Variants in GABRR3 observed in about 807,000 individuals in gnomAD.
The protein encoded by GABRR3 is gamma-aminobutyric acid receptor subunit rho-3.
A neutral mutation model predicts 43.2 loss-of-function variants in GABRR3; 29 were observed. The ratio of observed to expected loss-of-function variants is 0.67; its 90% confidence interval spans 0.50 to 0.92. GABRR3 has a LOEUF of 0.92. Among genes scored for constraint, GABRR3 ranks in the 40% least tolerant of loss-of-function variants. The pLI, the probability that GABRR3 is intolerant of heterozygous loss-of-function variation, is 0.00. For missense variants in GABRR3, 576 were observed against 572.3 expected, an observed-to-expected ratio of 1.01 and a Z score of -0.07; for synonymous variants, 206 against 195.9, an observed-to-expected ratio of 1.05 and a Z score of -0.43.
intron 9 of GABRR3, among the ~76,000 whole-genome samples, chr3:97,991,385 A>G (rs1246131887): frequency 6.6e-6 from 1 of 152,240 alleles, no homozygotes; most frequent in Non-Finnish European, 1.5e-5. Context: ...ATTAGAGTTT[A>G]ACGAGGACCC....
At position 98,007,858 on chromosome 3, in the gene GABRR3, GT is replaced by G; in HGVS notation, c.659del (p.Asn220ThrfsTer4). ...TATGTTCTTCAGTATTTAAGGACTTGTTTCCGTGTTTCCAGTATAGCATTAG... is the reference window on the plus strand; with the variant it reads ...TATGTTCTTCAGTATTTAAGGACTTGTTCCGTGTTTCCAGTATAGCATTAG... On this transcript the variant is annotated frameshift_variant, in exon 7 of 10. Coordinates refer to ENST00000621172, the Ensembl canonical transcript of GABRR3. LOFTEE classifies it high-confidence loss of function. 6.2e-7 allele frequency: 1 copy of G among 1,604,626 alleles called. No individual in the cohort carries two copies. Among genetic ancestry groups the G allele is most frequent in the Non-Finnish European group, 8.5e-7 (1 of 1,175,356 alleles).
chr3:97,987,337 A>G (rs987115108), intron 9 of GABRR3, among the ~76,000 whole-genome samples: 2 of 152,194 alleles, frequency 1.3e-5, no homozygotes, highest in Non-Finnish European at 2.9e-5. Context: ...AAACAACATA[A>G]AACTGGTTTA....
chr3:98,006,717 G>T (rs930032310), intron 7 of GABRR3, among the ~76,000 whole-genome samples: 3 of 152,190 alleles, frequency 2.0e-5, no homozygotes, highest in Non-Finnish European at 4.4e-5. Context: ...CATTTTATAT[G>T]GATTCGGCCT....
chr3:98,018,614 G>A (rs567391898), intron 3 of GABRR3, among the ~76,000 whole-genome samples: 5 of 152,126 alleles, frequency 3.3e-5, no homozygotes, highest in South Asian at 2.1e-4. Flanking sequence ...TTAGTTTTGC[G>A]ATGGAAATTT....
intron 9 of GABRR3, among the ~76,000 whole-genome samples, chr3:97,988,916 G>C (rs1475803131): frequency 1.3e-5 from 2 of 151,086 alleles, no homozygotes; most frequent in South Asian, 4.2e-4. Context: ...GTGGTGAGTA[G>C]GGTAGAGGTA....
At chr3:98,010,929 G>T (rs1187683787) in intron 5 of GABRR3, among the ~76,000 whole-genome samples, 2 of 152,116 alleles carry the variant, frequency 1.3e-5, no homozygotes, top group Non-Finnish European at 2.9e-5. Flanking sequence ...GTGAAACCTT[G>T]TCTCTACTAA....
intron 2 of GABRR3, 22 bp downstream of exon 2, chr3:98,034,841 G>A (rs76438318): frequency 3.7e-6 from 6 of 1,612,072 alleles, no homozygotes; most frequent in Non-Finnish European, 5.1e-6. Context: ...TAATTCCATG[G>A]ACTGCACTAT....
chr3:97,987,298 C>T (rs1706400322), intron 9 of GABRR3, among the ~76,000 whole-genome samples: 1 of 152,146 alleles, frequency 6.6e-6, no homozygotes, highest in Admixed American at 6.5e-5. Flanking sequence ...CTTCAGAGCA[C>T]CTATAAATGA....
At chr3:98,008,837 G>T (rs192134033) in intron 6 of GABRR3, 119 bp downstream of exon 6, 16 of 373,108 alleles carry the variant, frequency 4.3e-5, no homozygotes, top group Non-Finnish European at 6.1e-5. Flanking sequence ...AATTGTTTCA[G>T]TTTTGGATAA....
chr3:97,990,034 C>T (rs1394199561), intron 9 of GABRR3, among the ~76,000 whole-genome samples: 1 of 152,160 alleles, frequency 6.6e-6, no homozygotes, highest in African/African-American at 2.4e-5. Context: ...TCTATCCGGC[C>T]TCTCCCATTG....
chr3:98,008,005 C>G, intron 6 of GABRR3, 101 bp from the exon 7 acceptor site: 1 of 913,524 alleles, frequency 1.1e-6, no homozygotes, highest in South Asian at 1.8e-5. Flanking sequence ...TTAGTGCCTA[C>G]TCCAATGACA....
At chr3:98,016,988 A>G (rs1398836692) in intron 4 of GABRR3, among the ~76,000 whole-genome samples, 1 of 152,206 alleles carries the variant, frequency 6.6e-6, no homozygotes, top group African/African-American at 2.4e-5. Flanking sequence ...ATGTCATAGA[A>G]GACAGAAAAA....
In GABRR3 at chr3:98,016,014, C is replaced by A. The variant is rs188412357; in HGVS notation, c.306+1641G>T. Among the ~76,000 whole-genome samples the A allele has an allele frequency of 2.6e-3, 402 of 152,286 alleles. 5 individuals carry two copies. The highest frequency in any genetic ancestry group is 3.4e-3 in the Middle Eastern group (1 of 294). ...GCAGAAGGCAAAGGGGAAGAAAGCACCTTCTTCACAGGGCAGCAGGAGAGA... is the reference window on the plus strand; with the variant it reads ...GCAGAAGGCAAAGGGGAAGAAAGCAACTTCTTCACAGGGCAGCAGGAGAGA... On this transcript the variant is annotated intron_variant, in intron 4 of 9. Coordinates refer to ENST00000621172, the Ensembl canonical transcript of GABRR3.
chr3:97,993,956 T>C (rs778493461), intron 8 of GABRR3, among the ~76,000 whole-genome samples: 4 of 152,222 alleles, frequency 2.6e-5, no homozygotes, highest in Non-Finnish European at 4.4e-5. Flanking sequence ...AGGAGGGCCA[T>C]TCAATGTCTA....
intron 2 of GABRR3, among the ~76,000 whole-genome samples, chr3:98,032,676 G>T (rs1030018010): frequency 2.0e-5 from 3 of 152,068 alleles, no homozygotes; most frequent in Admixed American, 2.0e-4. Flanking sequence ...TTTAGGTTTT[G>T]AAAGAAGGGA....
At chr3:98,026,383 T>G (rs1322744144) in intron 2 of GABRR3, among the ~76,000 whole-genome samples, 1 of 152,092 alleles carries the variant, frequency 6.6e-6, no homozygotes, top group Non-Finnish European at 1.5e-5. Context: ...GCCCTAGGTG[T>G]CCTGACTGGG....
At chr3:97,987,261 C>G (rs1030935522) in intron 9 of GABRR3, among the ~76,000 whole-genome samples, 1 of 152,150 alleles carries the variant, frequency 6.6e-6, no homozygotes, top group Non-Finnish European at 1.5e-5. Flanking sequence ...CATTGAAATG[C>G]AAATTAGCCA....
chr3:98,022,305 C>T (rs1411911484), intron 3 of GABRR3, among the ~76,000 whole-genome samples: 2 of 152,180 alleles, frequency 1.3e-5, no homozygotes, highest in Non-Finnish European at 2.9e-5. Context: ...TTATATCCTC[C>T]TGTTTCCACA....
chr3:97,988,958 G>T (rs936056064), intron 9 of GABRR3, among the ~76,000 whole-genome samples: 4 of 150,216 alleles, frequency 2.7e-5, no homozygotes, highest in Non-Finnish European at 4.4e-5. Context: ...GGTAGGTGGT[G>T]GTGGGGGTGG....
Sources: allele counts gnomAD v4.1 joint callset (sites outside exome capture counted in the v4.1 genomes callset), GRCh38; gene constraint gnomAD v4.1.1; transcripts MANE v1.5; gene names NCBI Gene and HGNC (gene_info 2026-07-23, HGNC 2026-07-21).